BCL9: variants seen among roughly 807,000 people sequenced by gnomAD.
BCL9 encodes the protein B-cell CLL/lymphoma 9 protein.
In BCL9, 25 loss-of-function variants were observed where a neutral mutation model predicts 88.5. The observed-to-expected ratio is 0.28, with a 90% CI of 0.21 to 0.39. The LOEUF is 0.39. Ranked by LOEUF, BCL9 falls within the 10% of genes least tolerant of loss-of-function variation. BCL9 has a pLI of 1.00. For synonymous variants in BCL9, 711 were observed against 673.3 expected, an observed-to-expected ratio of 1.06 and a Z score of -0.87; for missense variants, 1,817 against 1,877.8, an observed-to-expected ratio of 0.97 and a Z score of 0.60.
At chr1:147,549,939 G>T (rs1268408488) in intron 1 of BCL9, among the ~76,000 whole-genome samples, 3 of 151,972 alleles carry the variant, frequency 2.0e-5, no homozygotes, top group African/African-American at 7.3e-5. Context: ...TTGCTTCTTT[G>T]ACTTGTCAAG....
At chr1:147,582,457 C>G (rs1024956211) in intron 1 of BCL9, among the ~76,000 whole-genome samples, 2 of 151,918 alleles carry the variant, frequency 1.3e-5, no homozygotes, top group Admixed American at 1.3e-4. Context: ...ATACAGACAC[C>G]CTGTGTATGG....
intron 1 of BCL9, among the ~76,000 whole-genome samples, chr1:147,569,490 AAAG>A (rs1407068367): frequency 0.033 from 11 of 332 alleles, no homozygotes; most frequent in Non-Finnish European, 0.047. Context: ...AAAAAAAAAG[AAAG>A]AAAAAAATCA....
chr1:147,622,271 G>T lies in BCL9; in HGVS notation c.2903G>T (p.Gly968Val), dbSNP rs587698918. The part of the protein sequence containing the change: ...SPAMLGNVES[G>V]GPPPPTASQP... ...TTTGTTTTATTTTGCTTCCTTTTAG[G>T]TGGCCCCCCACCTCCTACAGCCAGC... Residue 968 changes from glycine (G) to valine (V), a missense_variant and splice_region_variant, in exon 9 of 10, where the codon GGT becomes GTT. Around this residue, in one of 2 missense-constraint regions of BCL9, gnomAD observed 589 missense variants for 686.2 expected, o/e 0.86. Transcript: ENST00000234739. 6.2e-7 allele frequency: 1 copy of T among 1,613,824 alleles called. No homozygotes were observed. The highest frequency in any genetic ancestry group is 1.7e-5 in the Admixed American group (1 of 59,998).
intron 1 of BCL9, among the ~76,000 whole-genome samples, chr1:147,589,391 A>G (rs587653452): frequency 6.6e-6 from 1 of 152,308 alleles, no homozygotes; most frequent in South Asian, 2.1e-4. Flanking sequence ...TGTATGATCT[A>G]TTGATTTCTT....
chr1:147,548,966 C>G (rs1428809970), intron 1 of BCL9, among the ~76,000 whole-genome samples: 1 of 90,518 alleles, frequency 1.1e-5, no homozygotes, highest in Non-Finnish European at 2.1e-5. Flanking sequence ...AAATTCTCTC[C>G]TTTTCTTTCT....
intron 1 of BCL9, among the ~76,000 whole-genome samples, chr1:147,588,507 A>AG (rs1656714576): frequency 6.6e-6 from 1 of 152,170 alleles, no homozygotes; most frequent in Non-Finnish European, 1.5e-5. Flanking sequence ...CCATCAGCCA[A>AG]GGCATCAAGA....
chr1:147,559,923 G>A (rs1334202102), intron 1 of BCL9, among the ~76,000 whole-genome samples: 1 of 152,192 alleles, frequency 6.6e-6, no homozygotes, highest in Non-Finnish European at 1.5e-5. Context: ...AGAGAAAACA[G>A]AGACTTTCAG....
At chr1:147,548,790 C>A (rs1253735262) in intron 1 of BCL9, among the ~76,000 whole-genome samples, 1 of 151,480 alleles carries the variant, frequency 6.6e-6, no homozygotes, top group Non-Finnish European at 1.5e-5. Context: ...ATAGTGAGAC[C>A]CTGTCTCAAA....
chr1:147,620,918 C>T lies in BCL9; in HGVS notation c.2763C>T (p.Leu921=). 3 of 1,614,188 alleles carry T rather than the reference C, an allele frequency of 1.9e-6. No individual in the cohort carries two copies. The highest frequency in any genetic ancestry group is 2.5e-6 in the Non-Finnish European group (3 of 1,180,026). ...CTGCTGCTGCTTCACCTGTCCACCT[C>T]AAGTCTCCATCACTTCCTGCCCCGT... The part of the protein sequence containing the change: ...LGSAAASPVH[L]KSPSLPAPSP... The change falls in exon 8 of 10, where the codon CTC becomes CTT. Residue 921 remains leucine (L), a synonymous_variant. Transcript: ENST00000234739.
rs1260320764 is a variant in BCL9, at chr1:147,606,777, C to G, written c.-342-7C>G. The G allele has an allele frequency of 6.6e-6, 1 of 152,286 alleles. No individual in the cohort carries two copies. The highest frequency in any genetic ancestry group is 1.9e-4 in the East Asian group (1 of 5,192). The allele number at this position is 152,286 out of a possible 1,614,324, so 9.4% of individuals were successfully genotyped here. A position where few individuals can be genotyped will look rare whatever the true frequency, so the allele number is the denominator to read the frequency against. On this transcript the variant is annotated splice_region_variant and splice_polypyrimidine_tract_variant and intron_variant, in intron 2 of 9. Transcript: ENST00000234739. ...TCTGCTTAGGACTTCTTTTTTTCCT[C>G]GTCTAGACAAGGGTCATCTTTGAGA...
At chr1:147,541,931 G>A (rs1654339333) in intron 1 of BCL9, among the ~76,000 whole-genome samples, 1 of 152,034 alleles carries the variant, frequency 6.6e-6, no homozygotes, top group South Asian at 2.1e-4. Context: ...AGGGTGTGAG[G>A]GTGGGAGGGA....
At position 147,619,995 on chromosome 1, in the gene BCL9, G is replaced by T; in HGVS notation, c.1840G>T (p.Gly614Cys). 6.2e-7 allele frequency: 1 copy of T among 1,614,048 alleles called. No homozygotes were observed. Among genetic ancestry groups the T allele is most frequent in the Non-Finnish European group, 8.5e-7 (1 of 1,179,906 alleles). ...NFPPGQGIFS[G>C]PGRGERFPNP... The stretch of plus-strand genomic sequence containing the variant: ...TCCTCCTGGCCAGGGCATTTTCAGC[G>T]GTCCTGGCCGAGGGGAACGCTTCCC... The change falls in exon 8 of 10, where the codon GGT becomes TGT. Residue 614 changes from glycine (G) to cysteine (C), a missense_variant. By Grantham distance (159) the Gly-to-Cys change is radical. Around this residue, in one of 2 missense-constraint regions of BCL9, gnomAD observed 1,228 missense variants for 1,191.6 expected, o/e 1.03. Transcript: ENST00000234739. This position sits in a 1 kb window ranked among gnomAD's most constrained non-coding sequence, Gnocchi z 4.1.
chr1:147,618,521 A>G (rs1553204203), intron 7 of BCL9, among the ~76,000 whole-genome samples: 1 of 152,200 alleles, frequency 6.6e-6, no homozygotes, highest in Non-Finnish European at 1.5e-5. Flanking sequence ...TGTTCCTCAA[A>G]ATAGATACTG....
At chr1:147,570,559 C>T (rs1655830651) in intron 1 of BCL9, among the ~76,000 whole-genome samples, 1 of 151,842 alleles carries the variant, frequency 6.6e-6, no homozygotes, top group Non-Finnish European at 1.5e-5. Context: ...CTGCCTTTTG[C>T]TTCTGTTCCT....
chr1:147,589,850 CTAGAAG>C (rs782356521), intron 1 of BCL9, among the ~76,000 whole-genome samples: 19 of 152,176 alleles, frequency 1.2e-4, no homozygotes, highest in East Asian at 1.9e-4. Flanking sequence ...AGATAGACAC[CTAGAAG>C]TAGAAGTTCT....
chr1:147,596,560 C>T (rs1657064260), intron 1 of BCL9, among the ~76,000 whole-genome samples: 1 of 132,718 alleles, frequency 7.5e-6, no homozygotes, highest in Admixed American at 7.9e-5. Context: ...ACTACAGGCG[C>T]CGGCCACCAC....
At chr1:147,608,560 G>T (rs1570898996) in intron 3 of BCL9, among the ~76,000 whole-genome samples, 1 of 152,034 alleles carries the variant, frequency 6.6e-6, no homozygotes, top group Admixed American at 6.5e-5. Context: ...ATGAAAATTG[G>T]TTTGTGTATT....
rs1553205023 is a variant in BCL9, at chr1:147,620,395, T to C, written c.2240T>C (p.Met747Thr). Reference protein sequence around the residue: ...MREAGAGPEEMLKLRPGGSDM... With the variant: ...MREAGAGPEETLKLRPGGSDM... ...GAGGCTGGGGCGGGCCCTGAGGAGA[T>C]GCTGAAATTACGCCCAGGTGGCTCA... The change falls in exon 8 of 10, where the codon ATG becomes ACG. Residue 747 changes from methionine (M) to threonine (T), a missense_variant. Met to Thr is a moderately conservative substitution (Grantham distance 81). This residue lies in a region of BCL9 where 1,228 missense variants were observed against 1,191.6 expected (regional missense o/e 1.03). Transcript: ENST00000234739. The C allele has an allele frequency of 1.9e-6, 3 of 1,613,680 alleles. No homozygotes were observed. The highest frequency in any genetic ancestry group is 1.7e-5 in the Admixed American group (1 of 59,986).
chr1:147,596,469 A>G (rs1453607579), intron 1 of BCL9, among the ~76,000 whole-genome samples: 1 of 130,814 alleles, frequency 7.6e-6, no homozygotes, highest in African/African-American at 3.0e-5. Flanking sequence ...GCTGGAGTGC[A>G]GTGGAGCGAT....
Sources: gnomAD v4.1 joint callset for allele counts (sites outside exome capture counted in the v4.1 genomes callset) on GRCh38, gnomAD v4.1.1 for gene constraint, gnomAD v4.1.1 regional missense constraint, Gnocchi (gnomAD v3.1) non-coding constraint, MANE v1.5 for transcripts, NCBI Gene and HGNC (gene_info 2026-07-23, HGNC 2026-07-21) for gene names.